ASCC1: variants seen among roughly 807,000 people sequenced by gnomAD.
ASCC1 encodes activating signal cointegrator 1 complex subunit 1.
In ASCC1, 35 loss-of-function variants were observed where a neutral mutation model predicts 46.6. The ratio of observed to expected loss-of-function variants is 0.75; its 90% confidence interval spans 0.57 to 0.99. The LOEUF is 0.99. Among genes scored for constraint, ASCC1 ranks in the 50% least tolerant of loss-of-function variants. ASCC1 has a pLI of 0.00. For synonymous variants in ASCC1, 143 were observed against 146.6 expected (o/e 0.98, Z 0.18); for missense variants, 376 against 428.7 (o/e 0.88, Z 1.09).
intron 3 of ASCC1, among the ~76,000 whole-genome samples, chr10:72,207,982 AT>A (rs930915805): frequency 2.6e-5 from 4 of 151,578 alleles, no homozygotes; most frequent in East Asian, 1.9e-4. Context: ...TGGCTAATTT[AT>A]TTTTTTTATT....
intron 9 of ASCC1, among the ~76,000 whole-genome samples, chr10:72,104,066 G>C (rs1283906268): frequency 2.6e-5 from 4 of 152,102 alleles, no homozygotes; most frequent in Admixed American, 2.6e-4. Context: ...ACCTAGTGAT[G>C]GGTGAGAGAA....
At chr10:72,130,644 G>T (rs1845474916) in intron 8 of ASCC1, among the ~76,000 whole-genome samples, 1 of 152,182 alleles carries the variant, frequency 6.6e-6, no homozygotes, top group Non-Finnish European at 1.5e-5. Context: ...AAAATGTACT[G>T]ATAGCTAATA....
chr10:72,099,885 G>A (rs1306452410), intron 9 of ASCC1, among the ~76,000 whole-genome samples: 3 of 151,832 alleles, frequency 2.0e-5, no homozygotes, highest in Non-Finnish European at 4.4e-5. Context: ...CACTGAGCAG[G>A]GTTTAAAAAA....
At chr10:72,191,813 AT>A (rs1854553436) in intron 5 of ASCC1, among the ~76,000 whole-genome samples, 1 of 151,440 alleles carries the variant, frequency 6.6e-6, no homozygotes. Context: ...TGCCCAGCTA[AT>A]TTTTTGTATT....
intron 5 of ASCC1, among the ~76,000 whole-genome samples, chr10:72,184,854 C>G (rs995585250): frequency 6.6e-6 from 1 of 150,972 alleles, no homozygotes; most frequent in Non-Finnish European, 1.5e-5. Flanking sequence ...TAAGCAATAT[C>G]ACGCACTTTT....
intron 5 of ASCC1, among the ~76,000 whole-genome samples, chr10:72,185,137 A>G (rs1660965163): frequency 6.6e-6 from 1 of 152,238 alleles, no homozygotes; most frequent in South Asian, 2.1e-4. Context: ...AAGTGTTGGT[A>G]AGAATGTGGA....
intron 7 of ASCC1, among the ~76,000 whole-genome samples, chr10:72,137,318 G>C (rs1846358320): frequency 6.6e-6 from 1 of 152,006 alleles, no homozygotes; most frequent in African/African-American, 2.4e-5. Context: ...CACGAGGTCA[G>C]AAGTTCGAGA....
chr10:72,185,356 T>C (rs1853294707), intron 5 of ASCC1, among the ~76,000 whole-genome samples: 1 of 152,080 alleles, frequency 6.6e-6, no homozygotes, highest in Admixed American at 6.6e-5. Flanking sequence ...CTAGAAACCA[T>C]CCAAACATCT....
chr10:72,204,180 T>C (rs1261977688), intron 3 of ASCC1, among the ~76,000 whole-genome samples: 1 of 152,014 alleles, frequency 6.6e-6, no homozygotes. Flanking sequence ...ACCCGGGAGG[T>C]GGAGGTTGCA....
At chr10:72,159,421 C>A (rs1315308080) in intron 6 of ASCC1, 2 of 152,104 alleles carry the variant, frequency 1.3e-5, no homozygotes, top group Non-Finnish European at 2.9e-5. Context: ...AACCTGTGAC[C>A]TGATTTTCAT....
chr10:72,141,827 A>G (rs981346998), intron 7 of ASCC1, among the ~76,000 whole-genome samples: 4 of 152,190 alleles, frequency 2.6e-5, no homozygotes, highest in Non-Finnish European at 2.9e-5. Context: ...TCTTTTGTCT[A>G]ACTACTTATT....
chr10:72,203,355 T>C lies in ASCC1; in HGVS notation c.310+72A>G, dbSNP rs186168517. The C allele has an allele frequency of 2.3e-5, 24 of 1,054,624 alleles. No homozygotes were observed. The African/African-American group carries it at 3.1e-4, about 14-fold the overall frequency. 65.3% of individuals were successfully genotyped at this position (1,054,624 alleles called of 1,614,324 possible). On this transcript the variant is annotated intron_variant, in intron 4 of 9. Transcript: ENST00000672957. The stretch of plus-strand genomic sequence containing the variant: ...CACAGAAAACATAGTTACTAAACAC[T>C]GCAGTTGGTTACATTATTCCATAAA...
At position 72,195,139 on chromosome 10, in the gene ASCC1, G is replaced by GTTTT. The variant is rs142672810; in HGVS notation, c.489+1668_489+1671dup. On this transcript the variant is annotated intron_variant, in intron 5 of 9. Transcript: ENST00000672957. Reference sequence around the variant, plus strand: ...TTAGGTTTTGTGTGTTTTTTGCTGTGTTTTTTTTTTTTTTTTTTTTTTTTT... The same window carrying GTTTT: ...TTAGGTTTTGTGTGTTTTTTGCTGTGTTTTTTTTTTTTTTTTTTTTTTTTTTTTT... Among the ~76,000 whole-genome samples, 444 of 61,010 alleles carry GTTTT rather than the reference G, an allele frequency of 7.3e-3. 22 individuals carry two copies. The highest frequency in any genetic ancestry group is 0.012 in the African/African-American group (186 of 15,280). The allele number at this position is 61,010 out of a possible 152,430, so 40.0% of individuals were successfully genotyped here.
Position 72,186,832 on chromosome 10 carries a change from C to T in ASCC1, c.489+9979G>A, listed in dbSNP as rs1371004538. ...ATTAAGGCCAGCATGACGTTCACAG[C>T]GAACAAGCTCATTCTGGCGAAATCA... On this transcript the variant is annotated intron_variant, in intron 5 of 9. Transcript: ENST00000672957. Among the ~76,000 whole-genome samples, 6 of 150,100 alleles carry T rather than the reference C, an allele frequency of 4.0e-5. No homozygotes were observed. In the East Asian group the frequency reaches 7.8e-4, roughly 20 times the overall value.
Position 72,204,312 on chromosome 10 carries a change from G to A in ASCC1, c.213-788C>T. ...AAATTAGAATATCTGAGGACTCATGGCAACAGCGAGCTACAGCCAACTCTC... is the reference window on the plus strand; with the variant it reads ...AAATTAGAATATCTGAGGACTCATGACAACAGCGAGCTACAGCCAACTCTC... On this transcript the variant is annotated intron_variant, in intron 3 of 9. Coordinates refer to ENST00000672957, the MANE Select transcript of ASCC1 (RefSeq NM_001198800.3). 3 of 1,263,048 alleles carry A rather than the reference G, an allele frequency of 2.4e-6. No individual in the cohort carries two copies. In the East Asian group the frequency reaches 7.7e-5, roughly 32 times the overall value. The allele number at this position is 1,263,048 out of a possible 1,614,324, so 78.2% of individuals were successfully genotyped here.
chr10:72,190,360 C>A (rs1405642649), intron 5 of ASCC1: 7 of 1,414,292 alleles, frequency 4.9e-6, no homozygotes, highest in Admixed American at 3.3e-5. Flanking sequence ...TTGAGGTTAT[C>A]CTCATTGATC....
At chr10:72,146,143 G>A (rs987101400) in intron 7 of ASCC1, among the ~76,000 whole-genome samples, 5 of 152,148 alleles carry the variant, frequency 3.3e-5, no homozygotes, top group Non-Finnish European at 7.4e-5. Flanking sequence ...TTGCCCATCC[G>A]TGGGCAGAGG....
At chr10:72,173,484 GTC>G (rs1471156962) in intron 5 of ASCC1, among the ~76,000 whole-genome samples, 2 of 152,092 alleles carry the variant, frequency 1.3e-5, no homozygotes, top group African/African-American at 4.8e-5. Context: ...ACACCTAAGG[GTC>G]ACACGATCGA....
chr10:72,178,330 C>A (rs897230310), intron 5 of ASCC1, among the ~76,000 whole-genome samples: 1 of 152,114 alleles, frequency 6.6e-6, no homozygotes, highest in East Asian at 1.9e-4. Context: ...ATGTATGAAT[C>A]CTACAAATTA....
Sources: gnomAD v4.1 joint callset for allele counts (sites outside exome capture counted in the v4.1 genomes callset) on GRCh38, gnomAD v4.1.1 for gene constraint, MANE v1.5 for transcripts, NCBI Gene and HGNC (gene_info 2026-07-23, HGNC 2026-07-21) for gene names.